Variants in UBE4A observed in about 807,000 individuals in gnomAD.
UBE4A encodes the protein ubiquitin conjugation factor E4 A.
Under a neutral mutation model 117.9 loss-of-function variants are expected in UBE4A, and 48 were observed. The observed-to-expected ratio is 0.41, with a 90% CI of 0.32 to 0.52. UBE4A has a LOEUF of 0.52. UBE4A is among the 20% of genes least tolerant of loss of function. UBE4A has a pLI of 0.33. For missense variants in UBE4A, 1,067 were observed against 1,296.3 expected, an observed-to-expected ratio of 0.82 and a Z score of 2.72; for synonymous variants, 407 against 450.0, an observed-to-expected ratio of 0.90 and a Z score of 1.21.
chr11:118,385,589 A>G (rs1555127074), intron 15 of UBE4A, among the ~76,000 whole-genome samples: 2 of 152,168 alleles, frequency 1.3e-5, no homozygotes, highest in African/African-American at 4.8e-5. Context: ...GGAACTGCTT[A>G]CTTCTCCCAT....
Position 118,371,598 on chromosome 11 carries a change from G to A in UBE4A, c.493G>A (p.Asp165Asn). ...TSSTTLNLSA[D>N]RDAGERHIFC... ...TTCTACAACGCTAAATCTCTCTGCT[G>A]ATCGAGATGCAGGAGAGAGGCACAT... is the stretch of plus-strand genomic sequence containing the variant. The change falls in exon 5 of 20, where the codon GAT becomes AAT. Residue 165 changes from aspartate (D) to asparagine (N), a missense_variant. Asp to Asn is a conservative substitution (Grantham distance 23). Around this residue, in one of 3 missense-constraint regions of UBE4A, gnomAD observed 1,001 missense variants for 1,184.0 expected, o/e 0.85. Transcript: ENST00000252108. 1 of 1,613,974 alleles carries A rather than the reference G, an allele frequency of 6.2e-7. No homozygotes were observed. The highest frequency in any genetic ancestry group is 8.5e-7 in the Non-Finnish European group (1 of 1,180,010).
intron 2 of UBE4A, among the ~76,000 whole-genome samples, chr11:118,367,543 C>T (rs1261083210): frequency 1.5e-5 from 2 of 131,676 alleles, no homozygotes; most frequent in East Asian, 2.2e-4. Flanking sequence ...TTTTTTGAGA[C>T]GAAGTCTTGC....
At chr11:118,377,930 T>A (rs1443731742) in intron 10 of UBE4A, among the ~76,000 whole-genome samples, 1 of 141,158 alleles carries the variant, frequency 7.1e-6, no homozygotes, top group Non-Finnish European at 1.5e-5. Flanking sequence ...AAAAAAAAAA[T>A]TTCATTACTA....
intron 12 of UBE4A, 23 bp from the exon 13 acceptor site, chr11:118,382,566 C>G: frequency 2.6e-6 from 4 of 1,510,060 alleles, no homozygotes; most frequent in Non-Finnish European, 3.6e-6. Context: ...ATCTGCTCAT[C>G]TTGCTTTTTG....
At chr11:118,364,513 G>A (rs1274210656) in intron 1 of UBE4A, among the ~76,000 whole-genome samples, 2 of 152,060 alleles carry the variant, frequency 1.3e-5, no homozygotes, top group Non-Finnish European at 2.9e-5. Flanking sequence ...ATTTGCCAGA[G>A]TCCAAATCTA....
intron 4 of UBE4A, 111 bp downstream of exon 4, chr11:118,369,646 CTTTTTTTT>C (rs758717041): frequency 1.8e-5 from 9 of 491,976 alleles, no homozygotes; most frequent in South Asian, 2.4e-5. Context: ...ATCCCTCTCT[CTTTTTTTT>C]TTTTTTTTTT....
intron 10 of UBE4A, 47 bp downstream of exon 10, chr11:118,376,741 T>C: frequency 6.3e-7 from 1 of 1,598,020 alleles, no homozygotes; most frequent in Non-Finnish European, 8.5e-7. Context: ...GTTGTGTTGA[T>C]AACTAGAAGG....
intron 15 of UBE4A, among the ~76,000 whole-genome samples, chr11:118,386,112 GTT>G (rs1487461753): frequency 1.3e-5 from 2 of 152,072 alleles, no homozygotes; most frequent in African/African-American, 4.8e-5. Flanking sequence ...ATAGTGTGGG[GTT>G]TTTTAGTTTT....
chr11:118,376,844 G>A, intron 10 of UBE4A, 150 bp downstream of exon 10: 2 of 912,460 alleles, frequency 2.2e-6, no homozygotes, highest in Non-Finnish European at 3.1e-6. Flanking sequence ...GAGGCCAGAA[G>A]TTTAAGACCA....
Position 118,369,421 on chromosome 11 carries a change from A to G in UBE4A, c.296-2A>G, listed in dbSNP as rs747219292. Reference sequence around the variant, plus strand: ...ACCTATCATATTAAAACCATTTCCCAGGTGATCCCAGCTTGAAAAGCGGGA... The same window carrying G: ...ACCTATCATATTAAAACCATTTCCCGGGTGATCCCAGCTTGAAAAGCGGGA... On this transcript the variant is annotated splice_acceptor_variant, in intron 3 of 19. Coordinates refer to ENST00000252108, the MANE Select transcript of UBE4A (RefSeq NM_001204077.2). LOFTEE classifies it high-confidence loss of function. 1.2e-6 allele frequency: 2 copies of G among 1,611,726 alleles called. No homozygotes were observed. Among genetic ancestry groups the G allele is most frequent in the Admixed American group, 1.7e-5 (1 of 60,010 alleles).
intron 1 of UBE4A, among the ~76,000 whole-genome samples, chr11:118,363,006 A>G (rs867538003): frequency 1.1e-4 from 16 of 152,194 alleles, no homozygotes; most frequent in African/African-American, 3.6e-4. Flanking sequence ...AGAGAGAGAA[A>G]TAACAAGAGC....
chr11:118,371,581 CG>C lies in UBE4A; in HGVS notation c.477del (p.Leu160Ter). 6.2e-7 allele frequency: 1 copy of C among 1,614,006 alleles called. No homozygotes were observed. The highest frequency in any genetic ancestry group is 8.5e-7 in the Non-Finnish European group (1 of 1,180,012). On this transcript the variant is annotated frameshift_variant, in exon 5 of 20. Transcript: ENST00000252108. LOFTEE classifies it high-confidence loss of function. ...NHLINMTSST[T>X]LNLSADRDAG... Reference sequence around the variant, plus strand: ...TTAATTAACATGACTTCTTCTACAACGCTAAATCTCTCTGCTGATCGAGATG... The same window carrying C: ...TTAATTAACATGACTTCTTCTACAACCTAAATCTCTCTGCTGATCGAGATG...
chr11:118,394,627 C>T (rs782003957), intron 19 of UBE4A, among the ~76,000 whole-genome samples: 126 of 151,818 alleles, frequency 8.3e-4, no homozygotes, highest in Non-Finnish European at 1.1e-3. Context: ...AAAAATTAGC[C>T]GGGAGTGGTG....
At chr11:118,366,242 A>G (rs908288215) in intron 2 of UBE4A, among the ~76,000 whole-genome samples, 2 of 152,158 alleles carry the variant, frequency 1.3e-5, no homozygotes, top group African/African-American at 4.8e-5. Flanking sequence ...GATTTCTATG[A>G]TACGGGGCCA....
rs1948902731 is a variant in UBE4A, at chr11:118,399,209, C to G, written c.*2769C>G. Reference sequence around the variant, plus strand: ...ATTTAATAAATGAACATCTGACTTACAACCTTTGTTATCACTTTATTCCAG... The same window carrying G: ...ATTTAATAAATGAACATCTGACTTAGAACCTTTGTTATCACTTTATTCCAG... On this transcript the variant is annotated 3_prime_UTR_variant, in exon 20 of 20. Transcript: ENST00000252108. The G allele has an allele frequency of 2.8e-6, 1 of 358,618 alleles. No homozygotes were observed. Among genetic ancestry groups the G allele is most frequent in the Admixed American group, 3.2e-5 (1 of 31,632 alleles). The allele number at this position is 358,618 out of a possible 1,614,324, so 22.2% of individuals were successfully genotyped here.
chr11:118,386,796 G>T (rs1246226756), intron 16 of UBE4A, among the ~76,000 whole-genome samples, 184 bp downstream of exon 16: 3 of 152,230 alleles, frequency 2.0e-5, no homozygotes, highest in African/African-American at 7.2e-5. Context: ...TGACATGGAA[G>T]TGAGGAAATG....
intron 1 of UBE4A, among the ~76,000 whole-genome samples, chr11:118,361,312 G>A (rs183955021): frequency 3.9e-5 from 6 of 152,108 alleles, no homozygotes; most frequent in Admixed American, 1.3e-4. Flanking sequence ...GACCTACTGC[G>A]CCCGGCGCTG....
chr11:118,397,745 A>T lies in UBE4A; in HGVS notation c.*1305A>T, dbSNP rs1426519766. The T allele has an allele frequency of 6.6e-6, 1 of 152,268 alleles. No individual in the cohort carries two copies. Among genetic ancestry groups the T allele is most frequent in the Non-Finnish European group, 1.5e-5 (1 of 68,050 alleles). 9.4% of individuals were successfully genotyped at this position (152,268 alleles called of 1,614,324 possible). Reference sequence around the variant, plus strand: ...GTGATAGGATCAAGAAATGGGTGTCACTGCTTCATTTGGAACATGTTATTA... The same window carrying T: ...GTGATAGGATCAAGAAATGGGTGTCTCTGCTTCATTTGGAACATGTTATTA... On this transcript the variant is annotated 3_prime_UTR_variant, in exon 20 of 20. Coordinates refer to ENST00000252108, the MANE Select transcript of UBE4A (RefSeq NM_001204077.2).
chr11:118,372,431 A>G lies in UBE4A; in HGVS notation c.562-76A>G, dbSNP rs777935975. 1.1e-5 allele frequency: 16 copies of G among 1,451,872 alleles called. No individual in the cohort carries two copies. In the East Asian group the frequency reaches 1.9e-4, roughly 17 times the overall value. The allele number at this position is 1,451,872 out of a possible 1,614,324, so 89.9% of individuals were successfully genotyped here. ...CACAGGAGACCAGTATGTCTCTTCTATTGTATTCACTATGTCTACTTTCGT... is the reference window on the plus strand; with the variant it reads ...CACAGGAGACCAGTATGTCTCTTCTGTTGTATTCACTATGTCTACTTTCGT... On this transcript the variant is annotated intron_variant, in intron 5 of 19. Coordinates refer to ENST00000252108, the MANE Select transcript of UBE4A (RefSeq NM_001204077.2).
Sources: gnomAD v4.1 joint callset for allele counts (sites outside exome capture counted in the v4.1 genomes callset) on GRCh38, gnomAD v4.1.1 for gene constraint, gnomAD v4.1.1 regional missense constraint, MANE v1.5 for transcripts, NCBI Gene and HGNC (gene_info 2026-07-23, HGNC 2026-07-21) for gene names.